FRAS1: variants seen among roughly 807,000 people sequenced by gnomAD.
The protein encoded by FRAS1 is extracellular matrix organizing protein FRAS1.
A neutral mutation model predicts 435.2 loss-of-function variants in FRAS1; 290 were observed. That is an observed-to-expected ratio of 0.67 (90% confidence interval 0.61 to 0.73). FRAS1 has a LOEUF of 0.73. Ranked by LOEUF, FRAS1 falls within the 30% of genes least tolerant of loss-of-function variation. FRAS1 has a pLI of 0.00. For synonymous variants in FRAS1, 1,800 were observed against 1,851.0 expected (o/e 0.97, Z 0.71); for missense variants, 4,860 against 5,001.5 (o/e 0.97, Z 0.85).
At chr4:78,347,344 T>G (rs1464965145) in intron 20 of FRAS1, among the ~76,000 whole-genome samples, 1 of 152,218 alleles carries the variant, frequency 6.6e-6, no homozygotes, top group Non-Finnish European at 1.5e-5. Flanking sequence ...TAGAGGGTCT[T>G]CCTCACTAAA....
At chr4:78,307,890 G>A (rs576228576) in intron 14 of FRAS1, among the ~76,000 whole-genome samples, 176 bp from the exon 15 acceptor site, 2 of 152,268 alleles carry the variant, frequency 1.3e-5, no homozygotes, top group African/African-American at 2.4e-5. Flanking sequence ...CCCTAGAAAC[G>A]GTTTCTTGAA....
intron 29 of FRAS1, among the ~76,000 whole-genome samples, chr4:78,390,726 T>C (rs1314293079): frequency 3.9e-5 from 6 of 152,240 alleles, no homozygotes; most frequent in Admixed American, 3.9e-4. Context: ...TGGCTTCTTG[T>C]AGATGCATTG....
At chr4:78,252,640 G>A (rs995972023) in intron 5 of FRAS1, 89 bp downstream of exon 5, 35 of 1,239,696 alleles carry the variant, frequency 2.8e-5, no homozygotes, top group Non-Finnish European at 3.7e-5. Flanking sequence ...TTCAACATAG[G>A]TTCTTTCTAT....
rs1391180371 is a variant in FRAS1, at chr4:78,318,906, C to G, written c.2057C>G (p.Ser686Cys). The change falls in exon 18 of 74, where the codon TCT becomes TGT. Residue 686 changes from serine to cysteine, a missense_variant. Physicochemically the swap from Ser to Cys is moderately radical, Grantham distance 112. Coordinates refer to ENST00000512123, the MANE Select transcript of FRAS1 (RefSeq NM_025074.7). Reference protein sequence around the residue: ...PEEGLQVEQLSDVGIPSGECL... With the variant: ...PEEGLQVEQLCDVGIPSGECL... Reference sequence around the variant, plus strand: ...GAAGGACTGCAAGTGGAGCAGCTGTCTGACGTGGGCATCCCCTCTGGCGAG... The same window carrying G: ...GAAGGACTGCAAGTGGAGCAGCTGTGTGACGTGGGCATCCCCTCTGGCGAG... 1.2e-5 allele frequency: 20 copies of G among 1,613,912 alleles called. No individual in the cohort carries two copies. The highest frequency in any genetic ancestry group is 1.5e-5 in the Non-Finnish European group (18 of 1,179,890).
intron 2 of FRAS1, among the ~76,000 whole-genome samples, chr4:78,162,606 T>C (rs1721187374): frequency 2.0e-5 from 3 of 152,230 alleles, no homozygotes; most frequent in Non-Finnish European, 2.9e-5. Context: ...GAGTTTTCAC[T>C]GTAGAGACTC....
intron 9 of FRAS1, 142 bp from the exon 10 acceptor site, chr4:78,278,513 G>A: frequency 1.6e-6 from 1 of 616,912 alleles, no homozygotes; most frequent in Non-Finnish European, 2.9e-6. Flanking sequence ...AGGACAGGGG[G>A]AGATGAAACA....
chr4:78,366,270 G>A (rs1731263720), intron 22 of FRAS1, among the ~76,000 whole-genome samples: 1 of 152,206 alleles, frequency 6.6e-6, no homozygotes. Flanking sequence ...TGAAACCATA[G>A]TGCTTTGGTA....
chr4:78,305,751 T>A (rs569006741), intron 14 of FRAS1, among the ~76,000 whole-genome samples: 1 of 152,182 alleles, frequency 6.6e-6, no homozygotes, highest in East Asian at 1.9e-4. Context: ...TGAGCCTATG[T>A]GTGTCTCTGC....
chr4:78,168,996 T>C (rs1191105959), intron 2 of FRAS1, among the ~76,000 whole-genome samples: 2 of 152,112 alleles, frequency 1.3e-5, no homozygotes, highest in African/African-American at 2.4e-5. Flanking sequence ...AAGTCTTCAC[T>C]GGGAAATTTA....
rs139864328 is a variant in FRAS1 at position 78,092,592 on chromosome 4, A to G, written c.108+26576A>G. Among the ~76,000 whole-genome samples the G allele has an allele frequency of 5.5e-3, 836 of 152,320 alleles. 6 individuals are homozygous for G. Among genetic ancestry groups the G allele is most frequent in the African/African-American group, 0.019 (793 of 41,562 alleles). On this transcript the variant is annotated intron_variant, in intron 2 of 73. Coordinates refer to ENST00000512123, the MANE Select transcript of FRAS1 (RefSeq NM_025074.7). Reference sequence around the variant, plus strand: ...TCATCTTGCACCAGGTCCCTCCTACAACACATGGAAATTATGGGAGCTACA... The same window carrying G: ...TCATCTTGCACCAGGTCCCTCCTACGACACATGGAAATTATGGGAGCTACA...
intron 23 of FRAS1, among the ~76,000 whole-genome samples, chr4:78,371,780 T>A (rs537658829): frequency 1.3e-5 from 2 of 152,230 alleles, no homozygotes; most frequent in Non-Finnish European, 2.9e-5. Context: ...AAACATGAGT[T>A]TTCTGACTGC....
chr4:78,416,466 T>C (rs929259172), intron 32 of FRAS1, among the ~76,000 whole-genome samples: 2 of 151,716 alleles, frequency 1.3e-5, no homozygotes, highest in African/African-American at 4.8e-5. Context: ...AGGGATACAT[T>C]AAGAGAGACT....
At chr4:78,511,805 A>G (rs1721052133) in intron 64 of FRAS1, among the ~76,000 whole-genome samples, 1 of 151,654 alleles carries the variant, frequency 6.6e-6, no homozygotes, top group Non-Finnish European at 1.5e-5. Context: ...TGTTACCTCA[A>G]CTCTCCCTAA....
chr4:78,121,876 G>A (rs150248708), intron 2 of FRAS1, among the ~76,000 whole-genome samples: 2,602 of 152,264 alleles, frequency 0.017, 35 homozygotes, highest in Non-Finnish European at 0.025. Context: ...ATCTTGGGAT[G>A]CCCAAAGGTA....
At position 78,381,398 on chromosome 4, in the gene FRAS1, G is replaced by T. The variant is rs542632151; in HGVS notation, c.3563+1402G>T. Among the ~76,000 whole-genome samples the T allele has an allele frequency of 3.5e-4, 53 of 152,152 alleles. No individual in the cohort carries two copies. The East Asian group carries it at 6.2e-3, about 18-fold the overall frequency. On this transcript the variant is annotated intron_variant, in intron 27 of 73. Transcript: ENST00000512123. ...GGCTCACTGCAACCTCTGCCTCTTGGGTTGCCTCAGCCTCCTGAGTAGCTG... is the reference window on the plus strand; with the variant it reads ...GGCTCACTGCAACCTCTGCCTCTTGTGTTGCCTCAGCCTCCTGAGTAGCTG...
At chr4:78,527,697 G>A (rs939664980) in intron 70 of FRAS1, among the ~76,000 whole-genome samples, 15 of 152,168 alleles carry the variant, frequency 9.9e-5, no homozygotes, top group Admixed American at 1.3e-4. Flanking sequence ...TGAGAGAGAG[G>A]CGAGAAAGTA....
intron 2 of FRAS1, among the ~76,000 whole-genome samples, chr4:78,112,924 C>A (rs1742839013): frequency 6.6e-6 from 1 of 151,700 alleles, no homozygotes; most frequent in African/African-American, 2.4e-5. Flanking sequence ...TGTGCTGCAC[C>A]CATTAACTCG....
intron 2 of FRAS1, among the ~76,000 whole-genome samples, chr4:78,111,774 A>AT (rs1560526564): frequency 3.4e-5 from 5 of 145,716 alleles, no homozygotes; most frequent in Admixed American, 1.4e-4. Flanking sequence ...AAAAAAAAAA[A>AT]GATGAGGTTC....
chr4:78,481,320 T>C lies in FRAS1; in HGVS notation c.8444-484T>C, dbSNP rs74649334. 9.2e-5 allele frequency among the ~76,000 whole-genome samples: 14 copies of C among 152,336 alleles called. No individual in the cohort carries two copies. The East Asian group carries it at 2.5e-3, about 27-fold the overall frequency. On this transcript the variant is annotated intron_variant, in intron 56 of 73. Transcript: ENST00000512123. The stretch of plus-strand genomic sequence containing the variant: ...GCTTGGGTAAAACAGAGAAATCAAC[T>C]CAGTTAGGAACATTTAATTAGAAAC...
Sources: gnomAD v4.1 joint callset for allele counts (sites outside exome capture counted in the v4.1 genomes callset) on GRCh38, gnomAD v4.1.1 for gene constraint, MANE v1.5 for transcripts, NCBI Gene and HGNC (gene_info 2026-07-23, HGNC 2026-07-21) for gene names.